NOVA1: variants seen among roughly 807,000 people sequenced by gnomAD.
NOVA1 encodes RNA-binding protein Nova-1.
A neutral mutation model predicts 38.0 loss-of-function variants in NOVA1; 7 were observed. That is an observed-to-expected ratio of 0.18 (90% CI 0.10 to 0.35). NOVA1 has a LOEUF of 0.35. Among genes scored for constraint, NOVA1 ranks in the 10% least tolerant of loss-of-function variants. The pLI, the probability that NOVA1 is intolerant of heterozygous loss-of-function variation, is 1.00. For missense variants in NOVA1, 460 were observed against 616.0 expected, an observed-to-expected ratio of 0.75 and a Z score of 2.68; for synonymous variants, 270 against 232.5, an observed-to-expected ratio of 1.16 and a Z score of -1.47.
chr14:26,561,782 AATATT>A (rs1201307790), intron 2 of NOVA1, among the ~76,000 whole-genome samples: 1 of 152,184 alleles, frequency 6.6e-6, no homozygotes, highest in African/African-American at 2.4e-5. Flanking sequence ...CTTCTAAACA[AATATT>A]ATATTTCTCC....
At chr14:26,490,083 A>G (rs1310538639) in intron 2 of NOVA1, among the ~76,000 whole-genome samples, 1 of 152,156 alleles carries the variant, frequency 6.6e-6, no homozygotes, top group Non-Finnish European at 1.5e-5. Context: ...AAAATTCTAG[A>G]TATTTCGTAT....
At chr14:26,577,112 ATCTGTG>A (rs1184210030) in intron 2 of NOVA1, among the ~76,000 whole-genome samples, 1 of 151,968 alleles carries the variant, frequency 6.6e-6, no homozygotes, top group African/African-American at 2.4e-5. Flanking sequence ...GTACCTATCT[ATCTGTG>A]TCTGGCTTAT....
Position 26,565,532 on chromosome 14 carries a change from T to C in NOVA1, c.280+29878A>G, listed in dbSNP as rs145495130. Among the ~76,000 whole-genome samples the C allele has an allele frequency of 1.8e-3, 271 of 152,272 alleles. 1 individual carries two copies. The highest frequency in any genetic ancestry group is 6.2e-3 in the African/African-American group (259 of 41,562). The stretch of plus-strand genomic sequence containing the variant: ...TGTATGCAGTCTGTCATTTCTTGGC[T>C]TCCACGTAAAAAGACAAAAAATTCG... On this transcript the variant is annotated intron_variant, in intron 2 of 4. Transcript: ENST00000539517.
chr14:26,467,252 CA>C (rs1884217855), intron 4 of NOVA1, among the ~76,000 whole-genome samples: 1 of 152,084 alleles, frequency 6.6e-6, no homozygotes. Flanking sequence ...GCCAAGTAAA[CA>C]AAGTATGCCA....
intron 2 of NOVA1, among the ~76,000 whole-genome samples, chr14:26,494,806 C>T (rs78652542): frequency 0.014 from 2,113 of 152,306 alleles, 23 homozygotes; most frequent in Non-Finnish European, 0.02. Context: ...CAATGGTCTG[C>T]TAATTACTGT....
intron 2 of NOVA1, among the ~76,000 whole-genome samples, chr14:26,512,186 T>A (rs1888149000): frequency 6.6e-6 from 1 of 152,238 alleles, no homozygotes; most frequent in Admixed American, 6.5e-5. Context: ...ATATATTTAT[T>A]CCTGAATTAC....
intron 4 of NOVA1, among the ~76,000 whole-genome samples, chr14:26,459,530 T>C (rs1450004154): frequency 6.6e-6 from 1 of 152,050 alleles, no homozygotes; most frequent in Non-Finnish European, 1.5e-5. Context: ...GACTGTAAAA[T>C]ATGCATGACT....
chr14:26,463,981 C>T (rs928704916), intron 4 of NOVA1, among the ~76,000 whole-genome samples: 2 of 152,050 alleles, frequency 1.3e-5, no homozygotes, highest in East Asian at 1.9e-4. Context: ...GACAACTCTG[C>T]GAGGTAGGTA....
At chr14:26,454,895 G>A (rs140330236) in intron 4 of NOVA1, among the ~76,000 whole-genome samples, 211 of 152,148 alleles carry the variant, frequency 1.4e-3, no homozygotes, top group African/African-American at 4.8e-3. Flanking sequence ...CCACTTAGTA[G>A]CATCCAGTGG....
intron 4 of NOVA1, among the ~76,000 whole-genome samples, chr14:26,462,457 C>A (rs980774109): frequency 6.6e-6 from 1 of 150,778 alleles, no homozygotes; most frequent in African/African-American, 2.5e-5. Context: ...TTTCAAGAGG[C>A]GTCATGAAAT....
In NOVA1 at chr14:26,480,143, C is replaced by G. The variant is rs915646021; in HGVS notation, c.281G>C (p.Gly94Ala). The G allele has an allele frequency of 1.9e-6, 3 of 1,601,170 alleles. No individual in the cohort carries two copies. The highest frequency in any genetic ancestry group is 2.7e-5 in the African/African-American group (2 of 74,342). Residue 94 changes from glycine (G) to alanine (A), a missense_variant and splice_region_variant, in exon 3 of 5, where the codon GGT (glycine) becomes GCT (alanine). Transcript: ENST00000539517. The stretch of plus-strand genomic sequence containing the variant: ...GATCAAGCACACTCGCTCAGTAGTA[C>G]CTGTGGATAAAACATTGATTTTCAG... ...KLSKSKDFYP[G>A]TTERVCLIQG...
chr14:26,497,529 A>T (rs984547572), intron 2 of NOVA1, among the ~76,000 whole-genome samples: 1 of 152,172 alleles, frequency 6.6e-6, no homozygotes, highest in African/African-American at 2.4e-5. Context: ...ATTATCACAT[A>T]ATGCTCCCTT....
intron 4 of NOVA1, among the ~76,000 whole-genome samples, chr14:26,459,665 T>TA (rs1398510814): frequency 1.4e-4 from 22 of 152,054 alleles, no homozygotes; most frequent in African/African-American, 5.3e-4. Context: ...TGCCCATTTA[T>TA]AAAAAACACT....
intron 2 of NOVA1, among the ~76,000 whole-genome samples, chr14:26,486,052 T>C (rs539433837): frequency 2.6e-5 from 4 of 152,342 alleles, no homozygotes; most frequent in South Asian, 2.1e-4. Context: ...TGCTACTTAT[T>C]ATGCAGAGAA....
chr14:26,589,460 T>C (rs1893713786), intron 2 of NOVA1, among the ~76,000 whole-genome samples: 1 of 151,766 alleles, frequency 6.6e-6, no homozygotes, highest in Non-Finnish European at 1.5e-5. Context: ...TTCAGTAAAA[T>C]TAAGTTCAAA....
chr14:26,503,176 G>C (rs60448498), intron 2 of NOVA1, among the ~76,000 whole-genome samples: 2,136 of 152,046 alleles, frequency 0.014, 43 homozygotes, highest in African/African-American at 0.047. Context: ...ATGTTAGATT[G>C]AATCTAGTAT....
At chr14:26,522,097 A>C (rs770150112) in intron 2 of NOVA1, among the ~76,000 whole-genome samples, 9 of 152,234 alleles carry the variant, frequency 5.9e-5, no homozygotes, top group Admixed American at 3.3e-4. Flanking sequence ...ATCAATATTC[A>C]TATCAATGTG....
intron 2 of NOVA1, among the ~76,000 whole-genome samples, chr14:26,545,116 A>C (rs899454691): frequency 6.6e-6 from 1 of 152,098 alleles, no homozygotes; most frequent in Non-Finnish European, 1.5e-5. Context: ...GAAACTCTTA[A>C]GTAGTGGAGG....
intron 4 of NOVA1, among the ~76,000 whole-genome samples, chr14:26,469,205 T>C (rs934071017): frequency 2.2e-4 from 33 of 152,200 alleles, no homozygotes; most frequent in Non-Finnish European, 4.1e-4. Flanking sequence ...AAACTGTTAG[T>C]TCTTATAACG....
Sources: allele counts gnomAD v4.1 joint callset (sites outside exome capture counted in the v4.1 genomes callset), GRCh38; gene constraint gnomAD v4.1.1; transcripts MANE v1.5; gene names NCBI Gene and HGNC (gene_info 2026-07-23, HGNC 2026-07-21).